Variants in CASTOR2 observed in about 807,000 individuals in gnomAD.
The protein encoded by CASTOR2 is GATS protein like 2.
Under a neutral mutation model 31.2 loss-of-function variants are expected in CASTOR2, and 8 were observed. The ratio of observed to expected loss-of-function variants is 0.26; its 90% CI spans 0.15 to 0.46. CASTOR2 has a LOEUF of 0.46. Ranked by LOEUF, CASTOR2 falls within the 20% of genes least tolerant of loss-of-function variation. CASTOR2 has a pLI of 0.99. For synonymous variants in CASTOR2, 162 were observed against 158.7 expected (o/e 1.02, Z -0.16); for missense variants, 216 against 382.1 (o/e 0.57, Z 3.62).
chr7:75,023,660 G>A (rs1010912163), intron 7 of CASTOR2, among the ~76,000 whole-genome samples: 7 of 151,664 alleles, frequency 4.6e-5, no homozygotes, highest in Non-Finnish European at 1.0e-4. Context: ...GGCTGGTCTC[G>A]AACTCCTGAC....
intron 2 of CASTOR2, among the ~76,000 whole-genome samples, chr7:75,015,933 G>A (rs1438219287): frequency 2.6e-5 from 4 of 152,154 alleles, no homozygotes. Flanking sequence ...CGGGCATGAT[G>A]TTGGGTGCCT....
Position 75,006,103 on chromosome 7 carries a change from C to T in CASTOR2, c.114-1891C>T, listed in dbSNP as rs1441819677. 4.6e-5 allele frequency among the ~76,000 whole-genome samples: 7 copies of T among 152,206 alleles called. No individual in the cohort carries two copies. The South Asian group carries it at 6.2e-4, about 13-fold the overall frequency. ...TGAGATCATGCCACTGCACTAGCCT[C>T]GGTGACAGGGTGAGAGACTGTCTCA... On this transcript the variant is annotated intron_variant, in intron 1 of 8. Transcript: ENST00000616305.
At position 75,009,203 on chromosome 7, in the gene CASTOR2, G is replaced by T. The variant is rs1161851939; in HGVS notation, c.184+1139G>T. ...GATCTCCTGACCTCATGATCCACCC[G>T]CCTCGTCCTCCCAAAGTGCTGAGAT... On this transcript the variant is annotated intron_variant, in intron 2 of 8. Transcript: ENST00000616305. Among the ~76,000 whole-genome samples, 508 of 139,378 alleles carry T rather than the reference G, an allele frequency of 3.6e-3. 5 individuals carry two copies. Among genetic ancestry groups the T allele is most frequent in the African/African-American group, 0.013 (483 of 37,480 alleles). The allele number at this position is 139,378 out of a possible 152,430, so 91.4% of individuals were successfully genotyped here. A position where few individuals can be genotyped will look rare whatever the true frequency, so the allele number is the denominator to read the frequency against.
At chr7:75,010,505 G>C (rs2131947392) in intron 2 of CASTOR2, among the ~76,000 whole-genome samples, 1 of 152,198 alleles carries the variant, frequency 6.6e-6, no homozygotes, top group Middle Eastern at 3.4e-3. Flanking sequence ...TTCAAATAGA[G>C]GTCCTTGGGC....
At position 75,027,039 on chromosome 7, in the gene CASTOR2, C is replaced by T. The variant is rs1381929092; in HGVS notation, c.*2340C>T. 1 of 152,266 alleles carries T rather than the reference C, an allele frequency of 6.6e-6. No homozygotes were observed. The highest frequency in any genetic ancestry group is 2.4e-5 in the African/African-American group (1 of 41,470). The allele number at this position is 152,266 out of a possible 1,614,324, so 9.4% of individuals were successfully genotyped here. A position where few individuals can be genotyped will look rare whatever the true frequency, so the allele number is the denominator to read the frequency against. On this transcript the variant is annotated 3_prime_UTR_variant, in exon 9 of 9. Coordinates refer to ENST00000616305, the MANE Select transcript of CASTOR2 (RefSeq NM_001145064.3). ...ATATACTGTGTGCGCAGTCCGTGGA[C>T]ACAGCCCCCCGCTGTGTGTGCACAC...
rs1805277303 is a variant in CASTOR2, at chr7:75,030,643, T to C, written c.*5944T>C. The stretch of plus-strand genomic sequence containing the variant: ...CCCCAGGTGGGCCAACCCACAGGGC[T>C]GCTTGAGTGTCTTCACAATATGGCG... On this transcript the variant is annotated 3_prime_UTR_variant, in exon 9 of 9. Transcript: ENST00000616305. Among the ~76,000 whole-genome samples, 1 of 152,172 alleles carries C rather than the reference T, an allele frequency of 6.6e-6. No homozygotes were observed. The highest frequency in any genetic ancestry group is 6.5e-5 in the Admixed American group (1 of 15,278).
At position 75,030,086 on chromosome 7, in the gene CASTOR2, A is replaced by G. The variant is rs1805258196; in HGVS notation, c.*5387A>G. On this transcript the variant is annotated 3_prime_UTR_variant, in exon 9 of 9. Coordinates refer to ENST00000616305, the MANE Select transcript of CASTOR2 (RefSeq NM_001145064.3). ...GCCTGAGGCCTGAGCCATGGCATCC[A>G]GGGACAGCCTGGTGGCCGAGAGAGC... Among the ~76,000 whole-genome samples, 1 of 152,262 alleles carries G rather than the reference A, an allele frequency of 6.6e-6. No homozygotes were observed. Among genetic ancestry groups the G allele is most frequent in the Non-Finnish European group, 1.5e-5 (1 of 68,044 alleles).
chr7:75,003,852 C>A (rs1464571309), intron 1 of CASTOR2, among the ~76,000 whole-genome samples: 1 of 152,114 alleles, frequency 6.6e-6, no homozygotes, highest in African/African-American at 2.4e-5. Context: ...GCCGGTGCCT[C>A]TGGCTAATCT....
At chr7:75,020,856 G>A (rs1804982490) in intron 6 of CASTOR2, among the ~76,000 whole-genome samples, 2 of 152,050 alleles carry the variant, frequency 1.3e-5, no homozygotes, top group Non-Finnish European at 1.5e-5. Flanking sequence ...GAGTGCAGTG[G>A]TGCAGTCTTG....
intron 1 of CASTOR2, among the ~76,000 whole-genome samples, chr7:75,000,753 G>T (rs1443969257): frequency 6.6e-6 from 1 of 152,064 alleles, no homozygotes; most frequent in African/African-American, 2.4e-5. Context: ...CCACCTCCCC[G>T]GTTCAAGCAA....
intron 1 of CASTOR2, among the ~76,000 whole-genome samples, chr7:74,983,924 G>C (rs1431944202): frequency 1.4e-4 from 21 of 151,292 alleles, no homozygotes; most frequent in African/African-American, 4.9e-4. Flanking sequence ...GGGGCCGCAG[G>C]TGTGTGCCAC....
Position 75,010,217 on chromosome 7 carries a change from T to C in CASTOR2, c.184+2153T>C, listed in dbSNP as rs1296111743. On this transcript the variant is annotated intron_variant, in intron 2 of 8. Coordinates refer to ENST00000616305, the MANE Select transcript of CASTOR2 (RefSeq NM_001145064.3). ...ATGGAGGACTTCCTGGAGGAGGTGA[T>C]ATTTTTGCTGGCCTTGTGGGGAAGG... Among the ~76,000 whole-genome samples the C allele has an allele frequency of 9.2e-5, 14 of 152,194 alleles. No individual in the cohort carries two copies. In the East Asian group the frequency reaches 2.7e-3, roughly 29 times the overall value.
chr7:74,996,715 C>CTGTT (rs1804356695), intron 1 of CASTOR2, among the ~76,000 whole-genome samples: 1 of 40,766 alleles, frequency 2.5e-5, no homozygotes, highest in African/African-American at 9.9e-5. Context: ...ATGCCTGGTG[C>CTGTT]TTTTTTTTTT....
chr7:74,972,601 C>T (rs1803701077), intron 1 of CASTOR2, among the ~76,000 whole-genome samples: 1 of 149,758 alleles, frequency 6.7e-6, no homozygotes, highest in Non-Finnish European at 1.5e-5. Flanking sequence ...TTTTGGCCTG[C>T]ACTGGGTCAT....
rs1554438672 is a variant in CASTOR2 at position 75,005,188 on chromosome 7, G to A, written c.114-2806G>A. 2.6e-3 allele frequency among the ~76,000 whole-genome samples: 390 copies of A among 152,160 alleles called. 1 individual carries two copies. The highest frequency in any genetic ancestry group is 9.0e-3 in the African/African-American group (373 of 41,536). On this transcript the variant is annotated intron_variant, in intron 1 of 8. Coordinates refer to ENST00000616305, the MANE Select transcript of CASTOR2 (RefSeq NM_001145064.3). ...GGCCTAAATTTATGTGAATTTATATGATCTTGTAACCACTGCCACACTCAA... is the reference window on the plus strand; with the variant it reads ...GGCCTAAATTTATGTGAATTTATATAATCTTGTAACCACTGCCACACTCAA...
At chr7:75,021,824 G>C (rs1584478481) in intron 6 of CASTOR2, 50 bp from the exon 7 acceptor site, 2 of 1,549,446 alleles carry the variant, frequency 1.3e-6, no homozygotes, top group African/African-American at 1.4e-5. Context: ...ACCAAGGAGG[G>C]AGTGCAATTC....
intron 1 of CASTOR2, among the ~76,000 whole-genome samples, chr7:74,995,864 A>T (rs1171685001): frequency 1.3e-5 from 2 of 151,640 alleles, no homozygotes; most frequent in Non-Finnish European, 2.9e-5. Flanking sequence ...AGTTGCAGCA[A>T]CTTGGGAAGC....
rs2131961656 is a variant in CASTOR2, at chr7:75,026,826, CT to C, written c.*2128del. On this transcript the variant is annotated 3_prime_UTR_variant, in exon 9 of 9. Coordinates refer to ENST00000616305, the MANE Select transcript of CASTOR2 (RefSeq NM_001145064.3). ...TGATTTTCCTTTCTGTCATTTCCCC[CT>C]GACGGTGTCACTTCTCTGCCTTTCC... is the stretch of plus-strand genomic sequence containing the variant. Among the ~76,000 whole-genome samples, 1 of 152,286 alleles carries C rather than the reference CT, an allele frequency of 6.6e-6. No homozygotes were observed. The highest frequency in any genetic ancestry group is 1.5e-5 in the Non-Finnish European group (1 of 68,022).
chr7:74,995,512 A>AAAAAAAG (rs1491332651), intron 1 of CASTOR2, among the ~76,000 whole-genome samples: 1 of 7,746 alleles, frequency 1.3e-4, no homozygotes, highest in African/African-American at 4.3e-4. Context: ...CAAAAAAATG[A>AAAAAAAG]AAAAAAAAAA....
Sources: allele counts gnomAD v4.1 joint callset (sites outside exome capture counted in the v4.1 genomes callset), GRCh38; gene constraint gnomAD v4.1.1; transcripts MANE v1.5; gene names NCBI Gene and HGNC (gene_info 2026-07-23, HGNC 2026-07-21).